TEC: variants seen among roughly 807,000 people sequenced by gnomAD.
The protein encoded by TEC is tyrosine-protein kinase Tec.
TEC carries 72 observed loss-of-function variants against 93.0 expected under a neutral mutation model. The observed-to-expected ratio is 0.77, with a 90% CI of 0.64 to 0.94. The LOEUF (loss-of-function observed/expected upper bound fraction) is 0.94, where lower values mean the gene tolerates loss of function less well. TEC is among the 40% of genes least tolerant of loss of function. TEC has a pLI of 0.00. For missense variants in TEC, 630 were observed against 757.9 expected (o/e 0.83, Z 1.98); for synonymous variants, 249 against 247.7 (o/e 1.01, Z -0.05).
intron 1 of TEC, among the ~76,000 whole-genome samples, chr4:48,229,437 T>C (rs1480734123): frequency 6.6e-6 from 1 of 152,258 alleles, no homozygotes; most frequent in African/African-American, 2.4e-5. Flanking sequence ...AGATTCATAT[T>C]TGAGACAAGT....
chr4:48,177,755 G>A (rs890472039), intron 2 of TEC, among the ~76,000 whole-genome samples: 4 of 152,178 alleles, frequency 2.6e-5, no homozygotes, highest in African/African-American at 9.7e-5. Flanking sequence ...GGACCTAGTG[G>A]GAGGTGATTG....
rs116438972 is a variant in TEC, at chr4:48,185,070, C to T, written c.139-8884G>A. Reference sequence around the variant, plus strand: ...CTTGAAAACACACACACACACAATCCGTTGCCCTTATGGAATGTACAAAAA... The same window carrying T: ...CTTGAAAACACACACACACACAATCTGTTGCCCTTATGGAATGTACAAAAA... On this transcript the variant is annotated intron_variant, in intron 2 of 17. Coordinates refer to ENST00000381501, the MANE Select transcript of TEC (RefSeq NM_003215.3). Among the ~76,000 whole-genome samples the T allele has an allele frequency of 9.3e-3, 1,408 of 152,208 alleles. 26 individuals carry two copies. Among genetic ancestry groups the T allele is most frequent in the African/African-American group, 0.031 (1,298 of 41,516 alleles).
rs78330632 is a variant in TEC, at chr4:48,177,887, C to T, written c.139-1701G>A. Reference sequence around the variant, plus strand: ...ATTTCTGCTCGCTCTCTCTCTCTTGCCTGCCGCCATGTAAGATGTGCCTCT... The same window carrying T: ...ATTTCTGCTCGCTCTCTCTCTCTTGTCTGCCGCCATGTAAGATGTGCCTCT... On this transcript the variant is annotated intron_variant, in intron 2 of 17. Coordinates refer to ENST00000381501, the MANE Select transcript of TEC (RefSeq NM_003215.3). Among the ~76,000 whole-genome samples, 515 of 152,296 alleles carry T rather than the reference C, an allele frequency of 3.4e-3. 3 individuals are homozygous for T. Among genetic ancestry groups the T allele is most frequent in the Non-Finnish European group, 5.4e-3 (370 of 68,028 alleles).
intron 1 of TEC, among the ~76,000 whole-genome samples, chr4:48,263,714 AAAAG>A (rs946355727): frequency 3.9e-4 from 60 of 152,264 alleles, no homozygotes; most frequent in Admixed American, 1.8e-3. Flanking sequence ...CAAAAAAAAG[AAAAG>A]AAAGAAAGAA....
intron 2 of TEC, among the ~76,000 whole-genome samples, chr4:48,227,309 C>G (rs1463232825): frequency 6.6e-6 from 1 of 151,976 alleles, no homozygotes; most frequent in Non-Finnish European, 1.5e-5. Context: ...ACAACTAAAT[C>G]AACGTCTGAG....
intron 1 of TEC, among the ~76,000 whole-genome samples, chr4:48,237,304 A>T (rs1436680165): frequency 6.7e-6 from 1 of 149,742 alleles, no homozygotes. Flanking sequence ...TGGGTGTTGG[A>T]GTAAGACTCT....
intron 2 of TEC, among the ~76,000 whole-genome samples, chr4:48,191,844 A>C (rs2109583098): frequency 6.6e-6 from 1 of 152,280 alleles, no homozygotes. Context: ...CGGGAGGTTG[A>C]GGCAGGAGGA....
At chr4:48,186,022 T>A (rs867895271) in intron 2 of TEC, among the ~76,000 whole-genome samples, 1 of 152,132 alleles carries the variant, frequency 6.6e-6, no homozygotes, top group Non-Finnish European at 1.5e-5. Context: ...CACACCTGAC[T>A]GGTTTTTGCA....
chr4:48,176,257 G>A (rs1721320336), intron 2 of TEC, 71 bp from the exon 3 acceptor site: 1 of 1,196,496 alleles, frequency 8.4e-7, no homozygotes, highest in Middle Eastern at 2.0e-4. Context: ...TATTGTTAAG[G>A]AAATTTTGCT....
chr4:48,200,207 A>G (rs944746822), intron 2 of TEC, among the ~76,000 whole-genome samples: 14 of 151,694 alleles, frequency 9.2e-5, no homozygotes, highest in African/African-American at 3.4e-4. Flanking sequence ...GAGAAAGGAC[A>G]TAGGTAATGT....
At chr4:48,164,136 C>G (rs1186841226) in intron 7 of TEC, among the ~76,000 whole-genome samples, 1 of 152,208 alleles carries the variant, frequency 6.6e-6, no homozygotes, top group East Asian at 1.9e-4. Flanking sequence ...TTCCACAATA[C>G]TTCTCCAGAA....
Position 48,212,110 on chromosome 4 carries a change from A to AAAAAAAT in TEC, c.138+16366_138+16367insATTTTTT. The stretch of plus-strand genomic sequence containing the variant: ...TGAGACTCTGTCTCAAAAAAAAAAA[A>AAAAAAAT]ATATATATATATATATATATATGTA... On this transcript the variant is annotated intron_variant, in intron 2 of 17. Coordinates refer to ENST00000381501, the MANE Select transcript of TEC (RefSeq NM_003215.3). Among the ~76,000 whole-genome samples, 642 of 122,194 alleles carry AAAAAAAT rather than the reference A, an allele frequency of 5.3e-3. 6 individuals carry two copies. The highest frequency in any genetic ancestry group is 8.5e-3 in the Non-Finnish European group (506 of 59,480). The allele number at this position is 122,194 out of a possible 152,430, so 80.2% of individuals were successfully genotyped here.
chr4:48,210,869 A>C (rs372774325), intron 2 of TEC, among the ~76,000 whole-genome samples: 12 of 152,228 alleles, frequency 7.9e-5, no homozygotes, highest in East Asian at 5.8e-4. Context: ...GGGAAAAAAC[A>C]GAGGCAAGAG....
intron 2 of TEC, among the ~76,000 whole-genome samples, chr4:48,225,685 A>G (rs1723430751): frequency 6.6e-6 from 1 of 151,850 alleles, no homozygotes; most frequent in African/African-American, 2.4e-5. Flanking sequence ...AAGAAGCCAG[A>G]TTCTTACAAA....
At chr4:48,209,797 C>A (rs1413375304) in intron 2 of TEC, among the ~76,000 whole-genome samples, 1 of 152,118 alleles carries the variant, frequency 6.6e-6, no homozygotes, top group Non-Finnish European at 1.5e-5. Flanking sequence ...ATAAAATTAA[C>A]AGATTAAAGT....
chr4:48,249,798 T>C (rs1724154672), intron 1 of TEC, among the ~76,000 whole-genome samples: 1 of 144,570 alleles, frequency 6.9e-6, no homozygotes, highest in Admixed American at 6.8e-5. Context: ...AGGCTGTACA[T>C]GGCAGAGTGG....
chr4:48,240,023 A>G (rs1723884359), intron 1 of TEC, among the ~76,000 whole-genome samples: 1 of 151,248 alleles, frequency 6.6e-6, no homozygotes, highest in South Asian at 2.1e-4. Flanking sequence ...TGGTGATTAT[A>G]TTTTTCAGAG....
At chr4:48,146,202 C>A in intron 12 of TEC, 123 bp downstream of exon 12, 1 of 802,350 alleles carries the variant, frequency 1.2e-6, no homozygotes, top group Non-Finnish European at 2.0e-6. Context: ...TATCTAAAAA[C>A]CTATACTATA....
At chr4:48,254,756 T>C (rs1265355143) in intron 1 of TEC, among the ~76,000 whole-genome samples, 2 of 152,216 alleles carry the variant, frequency 1.3e-5, no homozygotes, top group African/African-American at 4.8e-5. Flanking sequence ...GTTCCACTCA[T>C]GGCAAAATCC....
Sources: allele counts gnomAD v4.1 joint callset (sites outside exome capture counted in the v4.1 genomes callset), GRCh38; gene constraint gnomAD v4.1.1; transcripts MANE v1.5; gene names NCBI Gene and HGNC (gene_info 2026-07-23, HGNC 2026-07-21).